The following CLEC16A variants were observed in gnomAD, a reference collection of about 807,000 sequenced individuals.
CLEC16A encodes protein CLEC16A.
Under a neutral mutation model 109.5 loss-of-function variants are expected in CLEC16A, and 51 were observed. The observed-to-expected ratio is 0.47, with a 90% confidence interval of 0.37 to 0.59. The LOEUF (loss-of-function observed/expected upper bound fraction) is 0.59, where lower values mean the gene tolerates loss of function less well. CLEC16A is among the 20% of genes least tolerant of loss of function. The pLI is 0.00. For synonymous variants in CLEC16A, 673 were observed against 564.2 expected, an observed-to-expected ratio of 1.19 and a Z score of -2.73; for missense variants, 1,339 against 1,394.0, an observed-to-expected ratio of 0.96 and a Z score of 0.63.
chr16:10,964,735 G>A (rs1470322979), intron 3 of CLEC16A, among the ~76,000 whole-genome samples: 1 of 152,130 alleles, frequency 6.6e-6, no homozygotes, highest in Non-Finnish European at 1.5e-5. Flanking sequence ...GAATTATGTG[G>A]CTTTTAAAAA....
chr16:11,100,281 C>G (rs939750527), intron 19 of CLEC16A, among the ~76,000 whole-genome samples: 5 of 152,138 alleles, frequency 3.3e-5, no homozygotes, highest in African/African-American at 1.2e-4. Flanking sequence ...ACGGTCCTGC[C>G]AAAATCTCCT....
chr16:10,957,023 C>T (rs1002879835), intron 1 of CLEC16A, among the ~76,000 whole-genome samples: 1 of 152,216 alleles, frequency 6.6e-6, no homozygotes, highest in Non-Finnish European at 1.5e-5. Flanking sequence ...TCTTGAGCTC[C>T]TGACCTCAGG....
chr16:11,123,707 A>G (rs779675615), intron 20 of CLEC16A, 35 bp from the exon 21 acceptor site: 2 of 1,610,040 alleles, frequency 1.2e-6, no homozygotes, highest in Non-Finnish European at 1.7e-6. Context: ...TCCCAAACCC[A>G]ACGAATGCCT....
rs1209265821 is a variant in CLEC16A at position 11,148,519 on chromosome 16, G to T, written c.2642-17869G>T. Among the ~76,000 whole-genome samples the T allele has an allele frequency of 4.6e-5, 7 of 152,254 alleles. 1 individual carries two copies. The Middle Eastern group carries it at 0.014, about 296-fold the overall frequency. ...ATCCTCACAATGATGTATGACATAG[G>T]GATTATTTCCCCCATATTATGCCAG... On this transcript the variant is annotated intron_variant, in intron 22 of 23. Coordinates refer to ENST00000409790, the MANE Select transcript of CLEC16A (RefSeq NM_015226.3).
chr16:11,037,297 G>A (rs971178267), intron 13 of CLEC16A, among the ~76,000 whole-genome samples: 1 of 152,160 alleles, frequency 6.6e-6, no homozygotes, highest in South Asian at 2.1e-4. Flanking sequence ...ACCCACCTTC[G>A]GGATCACCTG....
chr16:11,120,025 C>A (rs1206568723), intron 19 of CLEC16A, among the ~76,000 whole-genome samples: 1 of 152,084 alleles, frequency 6.6e-6, no homozygotes, highest in African/African-American at 2.4e-5. Flanking sequence ...GGTTGGAGTG[C>A]AGAGCGCGAT....
At chr16:11,131,562 A>T (rs1273865358) in intron 22 of CLEC16A, among the ~76,000 whole-genome samples, 1 of 152,204 alleles carries the variant, frequency 6.6e-6, no homozygotes, top group Admixed American at 6.5e-5. Flanking sequence ...CACAGCTCAG[A>T]GGAGCAGCCA....
rs539628363 is a variant in CLEC16A, at chr16:11,177,709, G to T, written c.2807-626G>T. 3.1e-3 allele frequency among the ~76,000 whole-genome samples: 479 copies of T among 152,210 alleles called. 5 individuals carry two copies. The highest frequency in any genetic ancestry group is 0.011 in the African/African-American group (452 of 41,554). ...CTGGCGTGGTTTCTCAGTGGCCCCT[G>T]CCGGGAAGCTCGGGACAATAATGGC... On this transcript the variant is annotated intron_variant, in intron 23 of 23. Coordinates refer to ENST00000409790, the MANE Select transcript of CLEC16A (RefSeq NM_015226.3).
chr16:11,005,713 C>G (rs2152759529), intron 11 of CLEC16A, among the ~76,000 whole-genome samples: 1 of 152,198 alleles, frequency 6.6e-6, no homozygotes, highest in East Asian at 1.9e-4. Flanking sequence ...TAGACGGTAT[C>G]TGTGTTTGGA....
intron 22 of CLEC16A, among the ~76,000 whole-genome samples, chr16:11,138,984 T>A (rs751390549): frequency 2.0e-5 from 3 of 152,022 alleles, no homozygotes; most frequent in Non-Finnish European, 2.9e-5. Context: ...TGGTGACCAA[T>A]TTGACTGAGG....
intron 22 of CLEC16A, among the ~76,000 whole-genome samples, chr16:11,132,023 A>C (rs2053241109): frequency 6.6e-6 from 1 of 152,200 alleles, no homozygotes; most frequent in African/African-American, 2.4e-5. Context: ...GCCTTCCCTG[A>C]GTGCCCAGGT....
chr16:11,042,231 G>T, intron 14 of CLEC16A, 23 bp from the exon 15 acceptor site: 1 of 1,553,080 alleles, frequency 6.4e-7, no homozygotes, highest in Non-Finnish European at 8.7e-7. Context: ...GGTGTGCAAG[G>T]CTTACCCTGG....
At chr16:11,009,563 C>A (rs1253111443) in intron 11 of CLEC16A, among the ~76,000 whole-genome samples, 3 of 152,162 alleles carry the variant, frequency 2.0e-5, no homozygotes, top group Non-Finnish European at 4.4e-5. Context: ...CATTACTCAG[C>A]TCCTAGAGGC....
At chr16:11,017,178 T>G (rs775476614) in intron 11 of CLEC16A, among the ~76,000 whole-genome samples, 3 of 152,112 alleles carry the variant, frequency 2.0e-5, no homozygotes, top group Non-Finnish European at 4.4e-5. Context: ...CTACCATGAA[T>G]CATTGCCACT....
At position 11,181,074 on chromosome 16, in the gene CLEC16A, G is replaced by A. The variant is rs1253827410; in HGVS notation, c.*2384G>A. 6.6e-6 allele frequency: 1 copy of A among 152,228 alleles called. No individual in the cohort carries two copies. The highest frequency in any genetic ancestry group is 1.5e-5 in the Non-Finnish European group (1 of 68,076). The allele number at this position is 152,228 out of a possible 1,614,324, so 9.4% of individuals were successfully genotyped here. On this transcript the variant is annotated 3_prime_UTR_variant, in exon 24 of 24. Transcript: ENST00000409790. Reference sequence around the variant, plus strand: ...GACACCTCCAGGTGTGTGGGGTGAGGATTTCCTATAACCAGGGCTCCCAGA... The same window carrying A: ...GACACCTCCAGGTGTGTGGGGTGAGAATTTCCTATAACCAGGGCTCCCAGA...
intron 11 of CLEC16A, among the ~76,000 whole-genome samples, chr16:11,015,356 C>T (rs2045683286): frequency 6.6e-6 from 1 of 152,078 alleles, no homozygotes; most frequent in Non-Finnish European, 1.5e-5. Context: ...GGGGAGCGGT[C>T]CTGGCTTTGC....
intron 19 of CLEC16A, among the ~76,000 whole-genome samples, chr16:11,080,966 G>C (rs2041669): frequency 0.027 from 4,037 of 152,294 alleles, 175 homozygotes; most frequent in African/African-American, 0.092. Flanking sequence ...GGCATCTTTG[G>C]GGGCTATTAC....
At chr16:11,133,384 C>CCAT (rs1197668931) in intron 22 of CLEC16A, among the ~76,000 whole-genome samples, 1 of 151,770 alleles carries the variant, frequency 6.6e-6, no homozygotes, top group Non-Finnish European at 1.5e-5. Flanking sequence ...AGTATCTGGG[C>CCAT]CATGCCTTGC....
chr16:11,111,364 G>A (rs1406210118), intron 19 of CLEC16A, among the ~76,000 whole-genome samples: 1 of 152,182 alleles, frequency 6.6e-6, no homozygotes, highest in Non-Finnish European at 1.5e-5. Context: ...CTCTGTGGGT[G>A]TCTCCATGGC....
Sources: allele counts gnomAD v4.1 joint callset (sites outside exome capture counted in the v4.1 genomes callset), GRCh38; gene constraint gnomAD v4.1.1; transcripts MANE v1.5; gene names NCBI Gene and HGNC (gene_info 2026-07-23, HGNC 2026-07-21).